Variants in ZMIZ1 observed in about 807,000 individuals in gnomAD.
ZMIZ1 encodes zinc finger MIZ domain-containing protein 1.
ZMIZ1 carries 17 observed loss-of-function variants against 113.9 expected under a neutral mutation model. The ratio of observed to expected loss-of-function variants is 0.15; its 90% CI spans 0.10 to 0.22. The LOEUF (loss-of-function observed/expected upper bound fraction) is 0.22. Among genes scored for constraint, ZMIZ1 ranks in the 10% least tolerant of loss-of-function variants. ZMIZ1 has a pLI of 1.00. For synonymous variants in ZMIZ1, 607 were observed against 603.1 expected (o/e 1.01, Z -0.09); for missense variants, 1,059 against 1,477.8 (o/e 0.72, Z 4.65).
At chr10:79,199,551 A>G (rs1174493699) in intron 4 of ZMIZ1, among the ~76,000 whole-genome samples, 1 of 152,218 alleles carries the variant, frequency 6.6e-6, no homozygotes, top group Non-Finnish European at 1.5e-5. Context: ...AAACTTTGAG[A>G]TGTATCATCA....
intron 7 of ZMIZ1, among the ~76,000 whole-genome samples, chr10:79,253,765 C>A (rs1031726239): frequency 6.6e-6 from 1 of 152,108 alleles, no homozygotes; most frequent in African/African-American, 2.4e-5. Context: ...GTGAGAGGCC[C>A]CTGAGCAAAG....
chr10:79,139,121 G>T (rs1845147424), intron 2 of ZMIZ1, among the ~76,000 whole-genome samples: 1 of 152,166 alleles, frequency 6.6e-6, no homozygotes, highest in Non-Finnish European at 1.5e-5. Context: ...GAGTGAGCTG[G>T]TTTTCCCGAG....
At chr10:79,112,983 C>G (rs1029832313) in intron 1 of ZMIZ1, among the ~76,000 whole-genome samples, 5 of 152,202 alleles carry the variant, frequency 3.3e-5, no homozygotes, top group Admixed American at 6.5e-5. Context: ...CTCCTGAGAT[C>G]GTGAGCTCCT....
chr10:79,224,532 C>T lies in ZMIZ1; in HGVS notation c.280+8258C>T, dbSNP rs572121516. 1.2e-4 allele frequency among the ~76,000 whole-genome samples: 18 copies of T among 152,214 alleles called. No homozygotes were observed. In the East Asian group the frequency reaches 1.4e-3, roughly 11 times the overall value. ...GGGTGTACACAAGGACACCCTGGGC[C>T]GAGCCAGTGGGTACCTGCTTTCCAG... is the stretch of plus-strand genomic sequence containing the variant. On this transcript the variant is annotated intron_variant, in intron 7 of 24. Coordinates refer to ENST00000334512, the MANE Select transcript of ZMIZ1 (RefSeq NM_020338.4).
At chr10:79,162,321 C>T (rs1403780455) in intron 4 of ZMIZ1, among the ~76,000 whole-genome samples, 188 bp downstream of exon 4, 3 of 152,232 alleles carry the variant, frequency 2.0e-5, no homozygotes, top group Non-Finnish European at 2.9e-5. Flanking sequence ...CTACCTGGCA[C>T]CCAGGGACCT....
At chr10:79,142,109 G>C (rs1042142253) in intron 3 of ZMIZ1, among the ~76,000 whole-genome samples, 16 of 152,216 alleles carry the variant, frequency 1.1e-4, no homozygotes, top group Non-Finnish European at 7.3e-5. Context: ...AGTGGTAGAA[G>C]GGAGGTGGTT....
chr10:79,301,499 A>G (rs1854298808), intron 17 of ZMIZ1, among the ~76,000 whole-genome samples: 1 of 151,794 alleles, frequency 6.6e-6, no homozygotes, highest in Non-Finnish European at 1.5e-5. Flanking sequence ...CCCAACACAC[A>G]GGGCTTGCTC....
At chr10:79,094,747 G>A (rs181873473) in intron 1 of ZMIZ1, among the ~76,000 whole-genome samples, 2 of 152,330 alleles carry the variant, frequency 1.3e-5, no homozygotes, top group East Asian at 1.9e-4. Flanking sequence ...TCAGGAGTTC[G>A]AGACTAGCCT....
chr10:79,294,931 A>AGC (rs1853769783), intron 12 of ZMIZ1: 7 of 41,878 alleles, frequency 1.7e-4, no homozygotes, highest in African/African-American at 7.1e-4. Flanking sequence ...TGAGTTCAGG[A>AGC]GGGGAGAGAG....
intron 7 of ZMIZ1, among the ~76,000 whole-genome samples, chr10:79,231,766 T>C (rs541082105): frequency 1.2e-3 from 175 of 152,172 alleles, no homozygotes; most frequent in South Asian, 3.3e-3. Flanking sequence ...TTAGTAGAGA[T>C]GGGGTTCCAC....
intron 1 of ZMIZ1, among the ~76,000 whole-genome samples, chr10:79,104,124 C>A (rs1843469263): frequency 6.6e-6 from 1 of 152,196 alleles, no homozygotes; most frequent in Non-Finnish European, 1.5e-5. Context: ...GGTCACCAGA[C>A]AATGTAGTGA....
chr10:79,312,808 C>T lies in ZMIZ1; in HGVS notation c.*59C>T. 1.3e-6 allele frequency: 2 copies of T among 1,539,974 alleles called. No individual in the cohort carries two copies. Among genetic ancestry groups the T allele is most frequent in the Non-Finnish European group, 9.0e-7 (1 of 1,114,676 alleles). On this transcript the variant is annotated 3_prime_UTR_variant, in exon 25 of 25. Transcript: ENST00000334512. ...TGCATCCTACCCCACCTACCCAACACACTTTTCCACCTGGGAGCCTGTGCC... is the reference window on the plus strand; with the variant it reads ...TGCATCCTACCCCACCTACCCAACATACTTTTCCACCTGGGAGCCTGTGCC...
intron 7 of ZMIZ1, among the ~76,000 whole-genome samples, chr10:79,217,530 A>G (rs1016954425): frequency 7.9e-5 from 12 of 152,222 alleles, no homozygotes; most frequent in Non-Finnish European, 1.8e-4. Flanking sequence ...AAAAAAAGAA[A>G]CAGTTATTTC....
chr10:79,227,820 G>A (rs950309629), intron 7 of ZMIZ1, among the ~76,000 whole-genome samples: 4 of 152,216 alleles, frequency 2.6e-5, no homozygotes, highest in African/African-American at 4.8e-5. Flanking sequence ...TAACTAAGGT[G>A]GGGTAAATGG....
intron 7 of ZMIZ1, among the ~76,000 whole-genome samples, chr10:79,253,032 A>C (rs752096792): frequency 6.6e-6 from 1 of 152,124 alleles, no homozygotes; most frequent in Non-Finnish European, 1.5e-5. Flanking sequence ...AAAAAGACAC[A>C]TCCCCTCCCC....
At chr10:79,253,280 G>A (rs1850661857) in intron 7 of ZMIZ1, among the ~76,000 whole-genome samples, 2 of 152,202 alleles carry the variant, frequency 1.3e-5, no homozygotes, top group Admixed American at 6.5e-5. Flanking sequence ...TGTGGGGGTC[G>A]TTTGCAAGTT....
chr10:79,178,826 C>T (rs1846984529), intron 4 of ZMIZ1, among the ~76,000 whole-genome samples: 1 of 152,170 alleles, frequency 6.6e-6, no homozygotes, highest in Admixed American at 6.5e-5. Context: ...CTTTTGGCTT[C>T]CTGCCCTTGG....
At chr10:79,080,973 C>T (rs755263402) in intron 1 of ZMIZ1, among the ~76,000 whole-genome samples, 2 of 152,130 alleles carry the variant, frequency 1.3e-5, no homozygotes, top group Non-Finnish European at 2.9e-5. Context: ...GGGACCTTGG[C>T]GCCCATCTCA....
intron 7 of ZMIZ1, among the ~76,000 whole-genome samples, chr10:79,239,820 CTG>C (rs1849735418): frequency 6.6e-6 from 1 of 152,172 alleles, no homozygotes; most frequent in South Asian, 2.1e-4. Flanking sequence ...GCCCATCCCT[CTG>C]TGGGTAAACA....
Sources: gnomAD v4.1 joint callset for allele counts (sites outside exome capture counted in the v4.1 genomes callset) on GRCh38, gnomAD v4.1.1 for gene constraint, MANE v1.5 for transcripts, NCBI Gene and HGNC (gene_info 2026-07-23, HGNC 2026-07-21) for gene names.